USF1: variants seen among roughly 807,000 people sequenced by gnomAD.
The protein encoded by USF1 is upstream transcription factor 1.
In USF1, 22 loss-of-function variants were observed where a neutral mutation model predicts 46.3. That is an observed-to-expected ratio of 0.47 (90% CI 0.34 to 0.68). The LOEUF (loss-of-function observed/expected upper bound fraction) is 0.68. USF1 is among the 30% of genes least tolerant of loss of function. The probability of loss-of-function intolerance (pLI) is 0.01; values close to 1 mark genes in which losing one functional copy is unlikely to be tolerated. For missense variants in USF1, 287 were observed against 399.3 expected, an observed-to-expected ratio of 0.72 and a Z score of 2.40; for synonymous variants, 150 against 147.0, an observed-to-expected ratio of 1.02 and a Z score of -0.15.
At position 161,040,032 on chromosome 1, in the gene USF1, A is replaced by C. The variant is rs1204102425; in HGVS notation, c.844-23T>G. 6.2e-7 allele frequency: 1 copy of C among 1,614,038 alleles called. No homozygotes were observed. Among genetic ancestry groups the C allele is most frequent in the South Asian group, 1.1e-5 (1 of 91,074 alleles). On this transcript the variant is annotated intron_variant, in intron 10 of 10. Coordinates refer to ENST00000368021, the MANE Select transcript of USF1 (RefSeq NM_007122.5). The surrounding 1 kb of genome is among the most constrained non-coding windows in gnomAD (Gnocchi z 4.0). ...CACCTGACATGGGAAGGAGGCAGTAAAGGGAATGGGTAGTAAAGCTGGCAC... is the reference window on the plus strand; with the variant it reads ...CACCTGACATGGGAAGGAGGCAGTACAGGGAATGGGTAGTAAAGCTGGCAC...
rs1454697960 is a variant in USF1 at position 161,040,365 on chromosome 1, T to C, written c.715-35A>G. 1 of 1,610,044 alleles carries C rather than the reference T, an allele frequency of 6.2e-7. No homozygotes were observed. Among genetic ancestry groups the C allele is most frequent in the East Asian group, 2.2e-5 (1 of 44,790 alleles). On this transcript the variant is annotated intron_variant, in intron 9 of 10. Transcript: ENST00000368021. The surrounding 1 kb of genome is among the most constrained non-coding windows in gnomAD (Gnocchi z 4.0). ...AAGGTCAACAAAATGAGAACTAGGA[T>C]TTCAGATACCCAGCTTGCTTTCCAA...
intron 6 of USF1, 116 bp from the exon 7 acceptor site, chr1:161,041,527 A>G (rs2516840): frequency 0.73 from 1,072,454 of 1,469,900 alleles, 392,853 homozygotes; most frequent in East Asian, 0.87. Flanking sequence ...GAGCAGCCCC[A>G]GACTCACTGC....
At chr1:161,044,900 G>C (rs1225561581) in intron 1 of USF1, 1 of 152,324 alleles carries the variant, frequency 6.6e-6, no homozygotes, top group Non-Finnish European at 1.5e-5. Context: ...CTACCCATAA[G>C]GTCCTCCAAA....
Position 161,039,832 on chromosome 1 carries a change from G to A in USF1, c.*88C>T, listed in dbSNP as rs1650446841. The A allele has an allele frequency of 2.2e-6, 3 of 1,357,024 alleles. No homozygotes were observed. Among genetic ancestry groups the A allele is most frequent in the East Asian group, 4.6e-5 (2 of 43,348 alleles). The allele number at this position is 1,357,024 out of a possible 1,614,324, so 84.1% of individuals were successfully genotyped here. On this transcript the variant is annotated 3_prime_UTR_variant, in exon 11 of 11. Coordinates refer to ENST00000368021, the MANE Select transcript of USF1 (RefSeq NM_007122.5). The stretch of plus-strand genomic sequence containing the variant: ...CTTCCCCCTGTCCCATGCCAGAAGT[G>A]GGGCAGTGAAGGAAAGGGGCACGGG...
rs1676584707 is a variant in USF1, at chr1:161,043,013, A to G, written c.9-131T>C. 4 of 1,338,314 alleles carry G rather than the reference A, an allele frequency of 3.0e-6. No homozygotes were observed. The East Asian group carries it at 6.9e-5, about 23-fold the overall frequency. 82.9% of individuals were successfully genotyped at this position (1,338,314 alleles called of 1,614,324 possible). ...GCTGGGTTAGGTTAGAATAACAACT[A>G]GTGTTTACTGTTTACTATGTACATA... On this transcript the variant is annotated intron_variant, in intron 2 of 10. Coordinates refer to ENST00000368021, the MANE Select transcript of USF1 (RefSeq NM_007122.5).
Position 161,042,923 on chromosome 1 carries a change from A to C in USF1, c.9-41T>G, listed in dbSNP as rs750102880. On this transcript the variant is annotated intron_variant, in intron 2 of 10. Transcript: ENST00000368021. The stretch of plus-strand genomic sequence containing the variant: ...GGACAAAAGGAAGAGTATGAGAAGA[A>C]GTCAATGAGAAGCTCACTGGCCCAG... 3.1e-6 allele frequency: 5 copies of C among 1,614,006 alleles called. No homozygotes were observed. The Admixed American group carries it at 5.0e-5, about 16-fold the overall frequency.
At chr1:161,041,606 G>A (rs941813432) in intron 6 of USF1, 45 bp downstream of exon 6, 3 of 1,574,436 alleles carry the variant, frequency 1.9e-6, no homozygotes, top group Admixed American at 1.7e-5. Flanking sequence ...ATGTCCCACA[G>A]CCTATTCTAG....
intron 1 of USF1, among the ~76,000 whole-genome samples, chr1:161,045,524 C>T (rs911738518): frequency 1.3e-5 from 2 of 152,234 alleles, no homozygotes; most frequent in Admixed American, 6.5e-5. Context: ...CGCCGTGACC[C>T]CGCAGCCCCG....
Position 161,040,415 on chromosome 1 carries a change from A to AT in USF1, c.715-86dup. 3 of 1,590,542 alleles carry AT rather than the reference A, an allele frequency of 1.9e-6. No homozygotes were observed. Among genetic ancestry groups the AT allele is most frequent in the Non-Finnish European group, 2.6e-6 (3 of 1,166,184 alleles). On this transcript the variant is annotated intron_variant, in intron 9 of 10. Coordinates refer to ENST00000368021, the MANE Select transcript of USF1 (RefSeq NM_007122.5). This position sits in a 1 kb window ranked among gnomAD's most constrained non-coding sequence, Gnocchi z 4.0. ...AAAGTAGGTTCACACTTTGGACCTC[A>AT]TTTTCATCTAAGGAAGGTGGTATAA...
chr1:161,042,809 CT>C, intron 3 of USF1, 23 bp downstream of exon 3: 1 of 1,614,210 alleles, frequency 6.2e-7, no homozygotes, highest in Non-Finnish European at 8.5e-7. Context: ...GGTTCTTAGT[CT>C]TGGTTCTGTT....
chr1:161,045,422 C>T (rs1369276341), intron 1 of USF1, among the ~76,000 whole-genome samples: 1 of 152,228 alleles, frequency 6.6e-6, no homozygotes, highest in Non-Finnish European at 1.5e-5. Flanking sequence ...GCACCTAGAC[C>T]TTGCCTTAGA....
chr1:161,041,983 A>G, intron 5 of USF1, 133 bp downstream of exon 5: 1 of 1,324,166 alleles, frequency 7.6e-7, no homozygotes, highest in Non-Finnish European at 1.0e-6. Context: ...CATCCAGAAA[A>G]GGAGAGCCTA....
chr1:161,040,797 A>G lies in USF1; in HGVS notation c.619+17T>C. On this transcript the variant is annotated intron_variant, in intron 8 of 10. Transcript: ENST00000368021. This position sits in a 1 kb window ranked among gnomAD's most constrained non-coding sequence, Gnocchi z 4.0. ...ATCACACCAGACAGCTTCTAGCTCC[A>G]CCCAGATCATACCTACCTTCATTAT... 1 of 1,613,944 alleles carries G rather than the reference A, an allele frequency of 6.2e-7. No homozygotes were observed. Among genetic ancestry groups the G allele is most frequent in the Non-Finnish European group, 8.5e-7 (1 of 1,179,980 alleles).
At position 161,040,592 on chromosome 1, in the gene USF1, C is replaced by T; in HGVS notation, c.698G>A (p.Ser233Asn). 1.9e-6 allele frequency: 3 copies of T among 1,612,716 alleles called. No individual in the cohort carries two copies. The highest frequency in any genetic ancestry group is 2.5e-6 in the Non-Finnish European group (3 of 1,179,788). ...TTCCATGACCTGGCCAGACTTGGTG[C>T]TCTCCATAGAGCAGTCTGGGATTAT... The part of the protein sequence containing the change: ...SKIIPDCSME[S>N]TKSGQSKGGI... Residue 233 changes from serine (S) to asparagine (N), a missense_variant, in exon 9 of 11, where the codon AGC becomes AAC. By Grantham distance (46) the Ser-to-Asn change is conservative. Coordinates refer to ENST00000368021, the MANE Select transcript of USF1 (RefSeq NM_007122.5). This position sits in a 1 kb window ranked among gnomAD's most constrained non-coding sequence, Gnocchi z 4.0.
At chr1:161,045,170 G>T (rs1452809365) in intron 1 of USF1, among the ~76,000 whole-genome samples, 1 of 152,166 alleles carries the variant, frequency 6.6e-6, no homozygotes, top group African/African-American at 2.4e-5. Flanking sequence ...GGCACAGGAG[G>T]CATCTCTATT....
chr1:161,045,087 C>T (rs1425797205), intron 1 of USF1: 1 of 152,178 alleles, frequency 6.6e-6, no homozygotes, highest in Non-Finnish European at 1.5e-5. Context: ...TTTCCATCTT[C>T]AAACCTGAAG....
chr1:161,043,220 T>C (rs1424348167), intron 2 of USF1, 48 bp downstream of exon 2: 4 of 1,614,010 alleles, frequency 2.5e-6, no homozygotes, highest in Non-Finnish European at 2.5e-6. Context: ...TTTGCATTCT[T>C]CCAGGCCACC....
chr1:161,044,710 C>G (rs1473604682), intron 1 of USF1, among the ~76,000 whole-genome samples: 1 of 150,624 alleles, frequency 6.6e-6, no homozygotes, highest in African/African-American at 2.4e-5. Flanking sequence ...AAACAGGGTT[C>G]TGAAGAAGAG....
rs2102012027 is a variant in USF1, at chr1:161,040,964, T to C, written c.561-92A>G. 5.2e-6 allele frequency: 8 copies of C among 1,530,758 alleles called. No individual in the cohort carries two copies. The South Asian group carries it at 9.3e-5, about 18-fold the overall frequency. 94.8% of individuals were successfully genotyped at this position (1,530,758 alleles called of 1,614,324 possible). ...GAATTATACAAGATTTAGCAGGTAT[T>C]AGGACCACTTATGGTAGCTAGGTGT... On this transcript the variant is annotated intron_variant, in intron 7 of 10. Coordinates refer to ENST00000368021, the MANE Select transcript of USF1 (RefSeq NM_007122.5). The surrounding 1 kb of genome is among the most constrained non-coding windows in gnomAD (Gnocchi z 4.0).
Sources: allele counts gnomAD v4.1 joint callset (sites outside exome capture counted in the v4.1 genomes callset), GRCh38; gene constraint gnomAD v4.1.1; non-coding constraint Gnocchi (gnomAD v3.1); transcripts MANE v1.5; gene names NCBI Gene and HGNC (gene_info 2026-07-23, HGNC 2026-07-21).